DNM1: variants seen among roughly 807,000 people sequenced by gnomAD.
DNM1 encodes the protein dynamin-1.
A neutral mutation model predicts 104.6 loss-of-function variants in DNM1; 29 were observed. That is an observed-to-expected ratio of 0.28 (90% CI 0.21 to 0.38). DNM1 has a LOEUF of 0.38. DNM1 is among the 10% of genes least tolerant of loss of function. DNM1 has a pLI of 1.00. For synonymous variants in DNM1, 445 were observed against 475.8 expected, an observed-to-expected ratio of 0.94 and a Z score of 0.84; for missense variants, 640 against 1,189.4, an observed-to-expected ratio of 0.54 and a Z score of 6.79.
At chr9:128,251,632 A>ACCCCCCCCCCC (rs200535768) in intron 21 of DNM1, 2 of 120,784 alleles carry the variant, frequency 1.7e-5, no homozygotes, top group Admixed American at 1.6e-4. Flanking sequence ...CCTCCCCCCA[A>ACCCCCCCCCCC]CCACCCCCTC....
intron 10 of DNM1, chr9:128,225,944 C>T: frequency 8.1e-7 from 1 of 1,235,644 alleles, no homozygotes; most frequent in Admixed American, 1.8e-5. Context: ...CTCTCCACCC[C>T]TGGATTCCTG....
In DNM1 at chr9:128,245,024, A is replaced by G; in HGVS notation, c.1672-1370A>G. On this transcript the variant is annotated intron_variant, in intron 15 of 21. Transcript: ENST00000372923. The surrounding 1 kb of genome is among the most constrained non-coding windows in gnomAD (Gnocchi z 5.2). Reference sequence around the variant, plus strand: ...TGAGCGGGAGCTGGGGCTGAGAAGGAGGGGCCTGAGGAGGGGGCCGGCCGG... The same window carrying G: ...TGAGCGGGAGCTGGGGCTGAGAAGGGGGGGCCTGAGGAGGGGGCCGGCCGG... 4.7e-5 allele frequency: 11 copies of G among 235,746 alleles called. No homozygotes were observed. The highest frequency in any genetic ancestry group is 8.8e-5 in the Non-Finnish European group (10 of 113,110). The allele number at this position is 235,746 out of a possible 1,614,324, so 14.6% of individuals were successfully genotyped here.
intron 15 of DNM1, among the ~76,000 whole-genome samples, chr9:128,242,739 A>G (rs1026867345): frequency 1.3e-5 from 2 of 152,140 alleles, no homozygotes; most frequent in African/African-American, 2.4e-5. Context: ...CAGCCTGGGC[A>G]ACAGAGTGAG....
intron 19 of DNM1, among the ~76,000 whole-genome samples, chr9:128,249,580 C>G (rs1829381907): frequency 6.6e-6 from 1 of 151,460 alleles, no homozygotes; most frequent in South Asian, 2.1e-4. Context: ...TGCTTGAACC[C>G]GGGAGGCGGA....
rs1336078052 is a variant in DNM1 at position 128,240,073 on chromosome 9, G to A, written c.1557+77G>A. 3.0e-5 allele frequency: 46 copies of A among 1,543,182 alleles called. No individual in the cohort carries two copies. The highest frequency in any genetic ancestry group is 3.8e-5 in the Non-Finnish European group (42 of 1,116,522). ...CCATCGGCAGTGGGGATCTGCAACGGGTAGGAGGGCACCCTTTGGCTGAAG... is the reference window on the plus strand; with the variant it reads ...CCATCGGCAGTGGGGATCTGCAACGAGTAGGAGGGCACCCTTTGGCTGAAG... On this transcript the variant is annotated intron_variant, in intron 14 of 21. Coordinates refer to ENST00000372923, the MANE Select transcript of DNM1 (RefSeq NM_004408.4). The surrounding 1 kb of genome is among the most constrained non-coding windows in gnomAD (Gnocchi z 5.1).
intron 10 of DNM1, among the ~76,000 whole-genome samples, chr9:128,231,150 GA>G (rs1835661781): frequency 6.8e-6 from 1 of 147,908 alleles, no homozygotes; most frequent in Non-Finnish European, 1.5e-5. Context: ...CAAATATTTG[GA>G]AAGGAAAGCT....
In DNM1 at chr9:128,254,047, GA is replaced by G. The variant is rs1829700019; in HGVS notation, c.2535-606del. 1 of 1,235,486 alleles carries G rather than the reference GA, an allele frequency of 8.1e-7. No homozygotes were observed. The highest frequency in any genetic ancestry group is 4.1e-5 in the South Asian group (1 of 24,626). 76.5% of individuals were successfully genotyped at this position (1,235,486 alleles called of 1,614,324 possible). ...TCACCTACGAGACCTGCAGCCCCCC[GA>G]CCAGCTGAGGCTCCCCTCTTAGACT... On this transcript the variant is annotated intron_variant, in intron 21 of 21. Coordinates refer to ENST00000372923, the MANE Select transcript of DNM1 (RefSeq NM_004408.4). The surrounding 1 kb of genome is among the most constrained non-coding windows in gnomAD (Gnocchi z 6.1).
chr9:128,209,141 G>A (rs960398022), intron 1 of DNM1, among the ~76,000 whole-genome samples: 7 of 152,162 alleles, frequency 4.6e-5, no homozygotes, highest in African/African-American at 1.2e-4. Flanking sequence ...AGAGCACGCA[G>A]CTGCCACGTG....
chr9:128,252,404 A>C, intron 21 of DNM1: 1 of 397,574 alleles, frequency 2.5e-6, no homozygotes, highest in African/African-American at 2.1e-5. Context: ...GAGCTTCTTC[A>C]AGGCAACCTG....
Position 128,248,539 on chromosome 9 carries a change from C to G in DNM1, c.1906-44C>G. 1 of 1,596,994 alleles carries G rather than the reference C, an allele frequency of 6.3e-7. No homozygotes were observed. The highest frequency in any genetic ancestry group is 8.6e-7 in the Non-Finnish European group (1 of 1,167,568). ...GATCCTGGGGATGCCTGGAGCCTGG[C>G]TGCATGGCCTGGCCACCTGATGCCC... On this transcript the variant is annotated intron_variant, in intron 18 of 21. Transcript: ENST00000372923. This position sits in a 1 kb window ranked among gnomAD's most constrained non-coding sequence, Gnocchi z 5.6.
intron 11 of DNM1, among the ~76,000 whole-genome samples, chr9:128,234,622 C>T (rs1835899263): frequency 6.6e-6 from 1 of 152,234 alleles, no homozygotes; most frequent in Admixed American, 6.5e-5. Context: ...GATCTGCCCA[C>T]CTCAGCCTCC....
At position 128,247,420 on chromosome 9, in the gene DNM1, A is replaced by T; in HGVS notation, c.1827A>T (p.Thr609=). 1 of 1,613,736 alleles carries T rather than the reference A, an allele frequency of 6.2e-7. No individual in the cohort carries two copies. Among genetic ancestry groups the T allele is most frequent in the Non-Finnish European group, 8.5e-7 (1 of 1,179,714 alleles). Residue 609 remains threonine (T), a synonymous_variant, in exon 17 of 22, where the codon ACA becomes ACT. Coordinates refer to ENST00000372923, the MANE Select transcript of DNM1 (RefSeq NM_004408.4). The surrounding 1 kb of genome is among the most constrained non-coding windows in gnomAD (Gnocchi z 5.1). Reference sequence around the variant, plus strand: ...GGCAGCTGGAGCTAGCCTGTGAGACACAGGAGGAGGTGGACAGCTGGAAGG... The same window carrying T: ...GGCAGCTGGAGCTAGCCTGTGAGACTCAGGAGGAGGTGGACAGCTGGAAGG... ...DYRQLELACE[T]QEEVDSWKAS... is the part of the protein sequence containing the mutation.
chr9:128,218,190 C>T lies in DNM1; in HGVS notation c.162-41C>T, dbSNP rs1268864643. On this transcript the variant is annotated intron_variant, in intron 1 of 21. Coordinates refer to ENST00000372923, the MANE Select transcript of DNM1 (RefSeq NM_004408.4). This position sits in a 1 kb window ranked among gnomAD's most constrained non-coding sequence, Gnocchi z 4.8. The stretch of plus-strand genomic sequence containing the variant: ...GGTACCCCTGGGACAGAGGGCGCCC[C>T]CTCATATCTTGACCCTCCTTTGACC... The T allele has an allele frequency of 1.2e-6, 2 of 1,602,018 alleles. No homozygotes were observed. Among genetic ancestry groups the T allele is most frequent in the African/African-American group, 1.3e-5 (1 of 74,760 alleles).
chr9:128,217,955 T>C (rs983302626), intron 1 of DNM1, among the ~76,000 whole-genome samples: 2 of 152,160 alleles, frequency 1.3e-5, no homozygotes, highest in African/African-American at 4.8e-5. Flanking sequence ...GGACTTCCTA[T>C]TGGTTCAAAA....
At chr9:128,234,134 C>A in intron 11 of DNM1, 27 bp downstream of exon 11, 1 of 1,499,940 alleles carries the variant, frequency 6.7e-7, no homozygotes, top group Non-Finnish European at 8.9e-7. Flanking sequence ...CCGGCCTGGC[C>A]GCGCCTTCCT....
chr9:128,248,099 T>G lies in DNM1; in HGVS notation c.1905+164T>G. On this transcript the variant is annotated intron_variant, in intron 18 of 21. Coordinates refer to ENST00000372923, the MANE Select transcript of DNM1 (RefSeq NM_004408.4). The surrounding 1 kb of genome is among the most constrained non-coding windows in gnomAD (Gnocchi z 5.6). Reference sequence around the variant, plus strand: ...AACCCAACACTTTGGGAGGCCGAGGTGGGCGGATCACAAGGTCAGGAGTTC... The same window carrying G: ...AACCCAACACTTTGGGAGGCCGAGGGGGGCGGATCACAAGGTCAGGAGTTC... 1.1e-6 allele frequency: 1 copy of G among 904,174 alleles called. No individual in the cohort carries two copies. The highest frequency in any genetic ancestry group is 1.8e-6 in the Non-Finnish European group (1 of 558,412). The allele number at this position is 904,174 out of a possible 1,614,324, so 56.0% of individuals were successfully genotyped here. A position where few individuals can be genotyped will look rare whatever the true frequency, so the allele number is the denominator to read the frequency against.
intron 1 of DNM1, among the ~76,000 whole-genome samples, chr9:128,208,518 T>C (rs1386713501): frequency 1.3e-5 from 2 of 152,062 alleles, no homozygotes; most frequent in African/African-American, 4.8e-5. Flanking sequence ...ATCATAGTGG[T>C]CCCATTTCTC....
At chr9:128,232,025 T>TG (rs1312769601) in intron 10 of DNM1, 11 of 456,394 alleles carry the variant, frequency 2.4e-5, no homozygotes, top group Non-Finnish European at 4.8e-5. Flanking sequence ...GCAGCCAGAA[T>TG]GGAAAAAGAT....
At position 128,224,572 on chromosome 9, in the gene DNM1, G is replaced by T. The variant is rs186917917; in HGVS notation, c.1335+183G>T. Among the ~76,000 whole-genome samples, 622 of 152,170 alleles carry T rather than the reference G, an allele frequency of 4.1e-3. 14 individuals carry two copies. Among genetic ancestry groups the T allele is most frequent in the Admixed American group, 0.038 (583 of 15,294 alleles). On this transcript the variant is annotated intron_variant, in intron 10 of 21. Coordinates refer to ENST00000372923, the MANE Select transcript of DNM1 (RefSeq NM_004408.4). This position sits in a 1 kb window ranked among gnomAD's most constrained non-coding sequence, Gnocchi z 4.3. ...TCTGAGAGGGCCTCACCCACCCCTG[G>T]CCCCCAGGTCTGGGGACCCAGGGAT...
Sources: allele counts gnomAD v4.1 joint callset (sites outside exome capture counted in the v4.1 genomes callset), GRCh38; gene constraint gnomAD v4.1.1; non-coding constraint Gnocchi (gnomAD v3.1); transcripts MANE v1.5; gene names NCBI Gene and HGNC (gene_info 2026-07-23, HGNC 2026-07-21).